The following PDE10A variants were observed in gnomAD, a reference collection of about 807,000 sequenced individuals.
PDE10A encodes cAMP and cAMP-inhibited cGMP 3',5'-cyclic phosphodiesterase 10A.
In PDE10A, 39 loss-of-function variants were observed where a neutral mutation model predicts 97.7. The observed-to-expected ratio is 0.40, with a 90% CI of 0.31 to 0.52. The LOEUF (loss-of-function observed/expected upper bound fraction) is 0.52. Ranked by LOEUF, PDE10A falls within the 20% of genes least tolerant of loss-of-function variation. The probability of loss-of-function intolerance (pLI) is 0.56; values close to 1 mark genes in which losing one functional copy is unlikely to be tolerated. For missense variants in PDE10A, 731 were observed against 1,047.8 expected (o/e 0.70, Z 4.17); for synonymous variants, 371 against 376.8 (o/e 0.98, Z 0.18).
chr6:165,888,201 A>G (rs1781681498), intron 1 of PDE10A, among the ~76,000 whole-genome samples: 2 of 152,126 alleles, frequency 1.3e-5, no homozygotes, highest in Admixed American at 1.3e-4. Context: ...AGCATTCCCA[A>G]ACCACACACC....
At chr6:165,665,095 T>C (rs564216809), upstream of PDE10A, among the ~76,000 whole-genome samples, 1 of 152,316 alleles carries the variant, frequency 6.6e-6, no homozygotes, top group East Asian at 1.9e-4. Context: ...GACGTTTTCC[T>C]GGACAAATTA....
intron 1 of PDE10A, among the ~76,000 whole-genome samples, chr6:165,709,266 G>T (rs566694949): frequency 8.6e-6 from 1 of 116,126 alleles, no homozygotes; most frequent in South Asian, 2.9e-4. Context: ...CCATCCCCAT[G>T]CTGCCACGCT....
chr6:165,827,123 G>A lies in PDE10A; in HGVS notation c.-615+160406C>T, dbSNP rs549583683. 2.6e-5 allele frequency among the ~76,000 whole-genome samples: 4 copies of A among 152,268 alleles called. No individual in the cohort carries two copies. In the South Asian group the frequency reaches 6.2e-4, roughly 24 times the overall value. On this transcript the variant is annotated intron_variant, in intron 1 of 19. Transcript: ENST00000366882. ...GACCCGGGAGAGCCTGACTTCCTGC[G>A]GGCCCTCCGCCGTGGTCTAGACGCT...
At chr6:165,870,126 C>A (rs1021028746) in intron 1 of PDE10A, among the ~76,000 whole-genome samples, 1 of 152,054 alleles carries the variant, frequency 6.6e-6, no homozygotes, top group Non-Finnish European at 1.5e-5. Flanking sequence ...AAGCTTTGCA[C>A]TGCCAGGAAA....
chr6:165,927,187 GC>G (rs1362717625), intron 1 of PDE10A, among the ~76,000 whole-genome samples: 3 of 152,094 alleles, frequency 2.0e-5, no homozygotes, highest in Non-Finnish European at 4.4e-5. Flanking sequence ...TGCACGTCTT[GC>G]ACATGTACGC....
intron 18 of PDE10A, among the ~76,000 whole-genome samples, chr6:165,353,802 TG>T (rs1782852688): frequency 6.6e-6 from 1 of 152,182 alleles, no homozygotes; most frequent in African/African-American, 2.4e-5. Context: ...ACTAAAATGG[TG>T]GATACGTTTG....
In PDE10A at chr6:165,778,106, A is replaced by T. The variant is rs565249961; in HGVS notation, c.-615+209423T>A. Among the ~76,000 whole-genome samples the T allele has an allele frequency of 2.6e-5, 4 of 151,672 alleles. No individual in the cohort carries two copies. The East Asian group carries it at 7.8e-4, about 30-fold the overall frequency. On this transcript the variant is annotated intron_variant, in intron 1 of 19. Coordinates refer to the PDE10A transcript ENST00000366882. ...TTATTATTTTTTGAGACGGAGTCTC[A>T]CTCTGTCACCCAGGCTGGAGTGCAG...
intron 2 of PDE10A, among the ~76,000 whole-genome samples, chr6:165,535,127 G>A (rs913313159): frequency 2.6e-5 from 4 of 151,914 alleles, no homozygotes; most frequent in African/African-American, 7.2e-5. Context: ...ATGATAATCT[G>A]TAGCATTTCT....
At chr6:165,455,361 C>T (rs564720250) in intron 3 of PDE10A, among the ~76,000 whole-genome samples, 1 of 152,248 alleles carries the variant, frequency 6.6e-6, no homozygotes, top group South Asian at 2.1e-4. Context: ...TGGGAATACA[C>T]TTCTGGAACA....
At chr6:165,365,545 C>T (rs764441492) in intron 18 of PDE10A, among the ~76,000 whole-genome samples, 3 of 152,020 alleles carry the variant, frequency 2.0e-5, no homozygotes, top group Non-Finnish European at 4.4e-5. Flanking sequence ...ATTATCTCAA[C>T]AAATAATGAC....
intron 17 of PDE10A, among the ~76,000 whole-genome samples, chr6:165,381,768 A>G (rs1784950361): frequency 6.6e-6 from 1 of 151,258 alleles, no homozygotes; most frequent in Admixed American, 6.6e-5. Context: ...GACGTGAGCC[A>G]CCGCGCCCGG....
intron 1 of PDE10A, among the ~76,000 whole-genome samples, chr6:165,976,934 C>T (rs185331160): frequency 6.6e-6 from 1 of 152,216 alleles, no homozygotes; most frequent in South Asian, 2.1e-4. Context: ...GCCTTGGAAT[C>T]GCACCCTCTG....
intron 1 of PDE10A, among the ~76,000 whole-genome samples, chr6:165,564,536 G>A (rs900537246): frequency 1.4e-4 from 21 of 152,088 alleles, no homozygotes; most frequent in Admixed American, 3.9e-4. Context: ...CACCTGCCCC[G>A]GTATATTCTA....
At chr6:165,633,079 CA>C (rs5881651) in intron 1 of PDE10A, among the ~76,000 whole-genome samples, 72,138 of 136,962 alleles carry the variant, frequency 0.53, 17,983 homozygotes, top group Middle Eastern at 0.7. Context: ...GTCACCGTGT[CA>C]AAAAAAAAAA....
chr6:165,597,287 G>C (rs561020404), intron 1 of PDE10A, among the ~76,000 whole-genome samples: 1 of 147,786 alleles, frequency 6.8e-6, no homozygotes, highest in South Asian at 2.2e-4. Context: ...ACAGACCATG[G>C]ATTAAGAAAA....
chr6:165,345,387 T>C (rs949608539), intron 18 of PDE10A, among the ~76,000 whole-genome samples: 10 of 152,228 alleles, frequency 6.6e-5, no homozygotes, highest in Non-Finnish European at 1.2e-4. Flanking sequence ...GATTAGAAAT[T>C]TGGCATCAAA....
chr6:165,475,990 C>T (rs221722), intron 3 of PDE10A, among the ~76,000 whole-genome samples: 48,586 of 151,978 alleles, frequency 0.32, 9,334 homozygotes, highest in Admixed American at 0.43. Flanking sequence ...GTGCCACCGA[C>T]GCTCACTATC....
intron 1 of PDE10A, chr6:165,780,480 T>C (rs1778313170): frequency 1.3e-5 from 2 of 152,184 alleles, no homozygotes; most frequent in African/African-American, 4.8e-5. Flanking sequence ...TAAAGTAAAA[T>C]ATCACAGCCA....
chr6:165,955,807 AG>A (rs1784118590), intron 1 of PDE10A, among the ~76,000 whole-genome samples: 1 of 152,274 alleles, frequency 6.6e-6, no homozygotes, highest in Non-Finnish European at 1.5e-5. Flanking sequence ...AAAAGTTAAA[AG>A]CTGCCAATAC....
Sources: allele counts gnomAD v4.1 joint callset (sites outside exome capture counted in the v4.1 genomes callset), GRCh38; gene constraint gnomAD v4.1.1; transcripts MANE v1.5; gene names NCBI Gene and HGNC (gene_info 2026-07-23, HGNC 2026-07-21).